The following TPD52 variants were observed in gnomAD, a reference collection of about 807,000 sequenced individuals.
The protein encoded by TPD52 is tumor protein D52, also known as prostate and colon associated protein.
A neutral mutation model predicts 31.3 loss-of-function variants in TPD52; 17 were observed. The ratio of observed to expected loss-of-function variants is 0.54; its 90% CI spans 0.37 to 0.82. TPD52 has a LOEUF of 0.82. Ranked by LOEUF, TPD52 falls within the 40% of genes least tolerant of loss-of-function variation. TPD52 has a pLI of 0.00. For synonymous variants in TPD52, 83 were observed against 89.6 expected (o/e 0.93, Z 0.42); for missense variants, 212 against 240.1 (o/e 0.88, Z 0.77).
At chr8:80,032,533 C>A (rs991086791), downstream of TPD52, among the ~76,000 whole-genome samples, 1 of 152,184 alleles carries the variant, frequency 6.6e-6, no homozygotes, top group South Asian at 2.1e-4. Flanking sequence ...GTGAGACCCC[C>A]ACCTCAAAAA....
At chr8:80,070,224 AC>A (rs1297977717) in intron 1 of TPD52, among the ~76,000 whole-genome samples, 1 of 152,102 alleles carries the variant, frequency 6.6e-6, no homozygotes, top group South Asian at 2.1e-4. Context: ...TGGAGCACCC[AC>A]TTAAATGGTT....
intron 1 of TPD52, among the ~76,000 whole-genome samples, chr8:80,088,714 T>C (rs548339504): frequency 2.6e-5 from 4 of 152,094 alleles, no homozygotes; most frequent in Admixed American, 1.3e-4. Flanking sequence ...TATTTGGAGA[T>C]GGGGTCTTTA....
intron 1 of TPD52, among the ~76,000 whole-genome samples, chr8:80,154,584 CTA>C (rs113217891): frequency 2.0e-5 from 3 of 152,224 alleles, no homozygotes; most frequent in African/African-American, 4.8e-5. Context: ...GCTGTGGCTT[CTA>C]TGTTTCTCCT....
intron 3 of TPD52, chr8:80,052,946 C>T: frequency 8.4e-6 from 2 of 238,516 alleles, no homozygotes; most frequent in South Asian, 1.1e-4. Flanking sequence ...TTTCCTTATC[C>T]AGGGTTATCT....
intron 1 of TPD52, among the ~76,000 whole-genome samples, chr8:80,071,310 A>C (rs1354874696): frequency 1.3e-5 from 2 of 152,166 alleles, no homozygotes; most frequent in African/African-American, 4.8e-5. Context: ...ATTTATCTTC[A>C]AAGAGCCCCA....
chr8:80,092,920 G>T (rs1047658810), intron 1 of TPD52, among the ~76,000 whole-genome samples: 6 of 151,990 alleles, frequency 3.9e-5, no homozygotes, highest in Non-Finnish European at 8.8e-5. Context: ...GGGGAATAAA[G>T]AATATATTTA....
Position 80,053,316 on chromosome 8 carries a change from C to CA in TPD52, c.249dup (p.Ala84CysfsTer18). 1 of 1,613,678 alleles carries CA rather than the reference C, an allele frequency of 6.2e-7. No individual in the cohort carries two copies. The highest frequency in any genetic ancestry group is 8.5e-7 in the Non-Finnish European group (1 of 1,179,682). On this transcript the variant is annotated frameshift_variant, in exon 3 of 8. Coordinates refer to ENST00000518937, the MANE Select transcript of TPD52 (RefSeq NM_001025253.3). LOFTEE classifies it high-confidence loss of function. ...GCTGTCACGTCTTGCCACCCTTTGG[C>CA]AATGTTCTGTTTTAGTTCCTGTAGA...
intron 1 of TPD52, among the ~76,000 whole-genome samples, chr8:80,079,056 C>T (rs1814922928): frequency 6.6e-6 from 1 of 152,176 alleles, no homozygotes; most frequent in Admixed American, 6.5e-5. Context: ...AGGTTCCCTC[C>T]CTCCCCCGCA....
At chr8:80,064,664 G>T in intron 1 of TPD52, 71 bp from the exon 2 acceptor site, 1 of 1,099,532 alleles carries the variant, frequency 9.1e-7, no homozygotes, top group Non-Finnish European at 1.4e-6. Context: ...CTCCTCCACT[G>T]TCCTAGCCAG....
chr8:80,051,416 T>C, intron 4 of TPD52, 111 bp downstream of exon 4: 1 of 997,884 alleles, frequency 1.0e-6, no homozygotes, highest in Admixed American at 1.9e-5. Flanking sequence ...TCCCTCACTC[T>C]AACAGGAGTA....
chr8:80,144,862 C>T (rs1259962006), intron 1 of TPD52, among the ~76,000 whole-genome samples: 1 of 151,942 alleles, frequency 6.6e-6, no homozygotes, highest in Non-Finnish European at 1.5e-5. Context: ...CCCTGTAGCA[C>T]CTTGTCCAGT....
intron 1 of TPD52, among the ~76,000 whole-genome samples, chr8:80,166,782 T>TAC (rs1322033401): frequency 1.3e-5 from 2 of 151,922 alleles, no homozygotes; most frequent in African/African-American, 4.8e-5. Flanking sequence ...GGCATGCGCC[T>TAC]GTAGTCCCAG....
rs34611433 is a variant in TPD52 at position 80,040,185 on chromosome 8, C to CTTT, written c.505-1953_505-1951dup. ...TGGGGTATCTGTTTAATACGCTATC[C>CTTT]TTTTTTTTTTTTTTTTTTTTTTTTT... On this transcript the variant is annotated intron_variant, in intron 7 of 7. Coordinates refer to ENST00000518937, the MANE Select transcript of TPD52 (RefSeq NM_001025253.3). Among the ~76,000 whole-genome samples the CTTT allele has an allele frequency of 8.6e-3, 822 of 95,692 alleles. 100 individuals are homozygous for CTTT. The highest frequency in any genetic ancestry group is 0.011 in the African/African-American group (219 of 20,558). The allele number at this position is 95,692 out of a possible 152,430, so 62.8% of individuals were successfully genotyped here.
At chr8:80,104,765 T>C (rs147229425) in intron 1 of TPD52, among the ~76,000 whole-genome samples, 33 of 151,794 alleles carry the variant, frequency 2.2e-4, no homozygotes, top group African/African-American at 7.7e-4. Context: ...TTCTTTTTAA[T>C]AGAACATTTT....
At chr8:80,074,838 G>C (rs1814330636) in intron 1 of TPD52, among the ~76,000 whole-genome samples, 1 of 152,152 alleles carries the variant, frequency 6.6e-6, no homozygotes, top group African/African-American at 2.4e-5. Flanking sequence ...GGCAAGAACA[G>C]TAAAACCTTA....
At chr8:80,143,358 C>T (rs1224646797) in intron 1 of TPD52, among the ~76,000 whole-genome samples, 7 of 152,182 alleles carry the variant, frequency 4.6e-5, no homozygotes, top group Non-Finnish European at 8.8e-5. Context: ...CTACAAATCC[C>T]GAATGAGGGT....
chr8:80,167,596 G>C (rs1382983308), intron 1 of TPD52, among the ~76,000 whole-genome samples: 2 of 152,198 alleles, frequency 1.3e-5, no homozygotes, highest in African/African-American at 2.4e-5. Context: ...GTCACACCCA[G>C]AGACTTGGGA....
At chr8:80,053,467 A>G in intron 2 of TPD52, 37 bp from the exon 3 acceptor site, 1 of 1,595,436 alleles carries the variant, frequency 6.3e-7, no homozygotes, top group Non-Finnish European at 8.5e-7. Flanking sequence ...ATATAGCAAA[A>G]GTCATTCAGT....
At chr8:80,033,856 C>A (rs904956892), downstream of TPD52, among the ~76,000 whole-genome samples, 1 of 152,106 alleles carries the variant, frequency 6.6e-6, no homozygotes, top group Admixed American at 6.5e-5. Context: ...GGAAAAAACA[C>A]CATCCGATTA....
Sources: gnomAD v4.1 joint callset for allele counts (sites outside exome capture counted in the v4.1 genomes callset) on GRCh38, gnomAD v4.1.1 for gene constraint, MANE v1.5 for transcripts, NCBI Gene and HGNC (gene_info 2026-07-23, HGNC 2026-07-21) for gene names.